PLCZ1: variants seen among roughly 807,000 people sequenced by gnomAD.
The protein encoded by PLCZ1 is 1-phosphatidylinositol 4,5-bisphosphate phosphodiesterase zeta-1.
A neutral mutation model predicts 76.8 loss-of-function variants in PLCZ1; 64 were observed. The ratio of observed to expected loss-of-function variants is 0.83; its 90% CI spans 0.68 to 1.03. PLCZ1 has a LOEUF of 1.03. Among genes scored for constraint, PLCZ1 ranks in the 50% least tolerant of loss-of-function variants. PLCZ1 has a pLI of 0.00. For synonymous variants in PLCZ1, 248 were observed against 230.8 expected, an observed-to-expected ratio of 1.07 and a Z score of -0.68; for missense variants, 751 against 713.7, an observed-to-expected ratio of 1.05 and a Z score of -0.60.
At chr12:18,709,199 A>G (rs1348877055) in intron 6 of PLCZ1, among the ~76,000 whole-genome samples, 1 of 152,084 alleles carries the variant, frequency 6.6e-6, no homozygotes, top group Non-Finnish European at 1.5e-5. Context: ...TGTGTATGGT[A>G]TAAGATAAGG....
In PLCZ1 at chr12:18,719,630, T is replaced by G. The variant is rs1448544480; in HGVS notation, c.370A>C (p.Arg124=). ...TCTAATGACATTTGGTGTGCTTTCC[T>G]AACTAAAAAAATAAAATAAAATAAG... ...IQKYEPIEEV[R]KAHQMSLEGF... The change falls in exon 5 of 15, where the codon AGG becomes CGG. Residue 124 remains arginine, a splice_region_variant and synonymous_variant. Transcript: ENST00000266505. 6.3e-7 allele frequency: 1 copy of G among 1,585,160 alleles called. No individual in the cohort carries two copies. Among genetic ancestry groups the G allele is most frequent in the Non-Finnish European group, 8.6e-7 (1 of 1,162,994 alleles).
the PLCZ1 span, among the ~76,000 whole-genome samples, chr12:18,652,261 ATATAAG>A: frequency 1.3e-5 from 2 of 152,304 alleles, no homozygotes; most frequent in African/African-American, 4.8e-5. Flanking sequence ...TACCAGTCAC[ATATAAG>A]TATATGACTG....
rs181880095 is a variant in PLCZ1 at position 18,711,152 on chromosome 12, A to C, written c.714+1690T>G. On this transcript the variant is annotated intron_variant, in intron 6 of 14. Transcript: ENST00000266505. The stretch of plus-strand genomic sequence containing the variant: ...ACCAACCTAAATATCCAACAACGAT[A>C]GACTGGATTAAGAAAATGGGGAACA... Among the ~76,000 whole-genome samples the C allele has an allele frequency of 7.0e-4, 107 of 152,106 alleles. No homozygotes were observed. The East Asian group carries it at 0.019, about 27-fold the overall frequency.
chr12:18,694,818 T>C (rs1954714304), intron 12 of PLCZ1, 92 bp downstream of exon 12: 4 of 1,029,772 alleles, frequency 3.9e-6, no homozygotes, highest in Non-Finnish European at 5.6e-6. Context: ...TTAAAAGAAA[T>C]TGAAGCAAAT....
the PLCZ1 span, among the ~76,000 whole-genome samples, chr12:18,676,010 T>A: frequency 3.3e-5 from 5 of 151,242 alleles, no homozygotes; most frequent in East Asian, 3.9e-4. Context: ...TGAATCTATT[T>A]AAAAAAAAAC....
chr12:18,726,650 A>T (rs1958767389), intron 3 of PLCZ1, among the ~76,000 whole-genome samples: 1 of 152,092 alleles, frequency 6.6e-6, no homozygotes, highest in Non-Finnish European at 1.5e-5. Flanking sequence ...ACCATTTTCC[A>T]TTTCCAATGC....
the PLCZ1 span, among the ~76,000 whole-genome samples, chr12:18,666,496 T>C: frequency 2.6e-5 from 4 of 152,122 alleles, no homozygotes; most frequent in Non-Finnish European, 5.9e-5. Context: ...CATTATATAA[T>C]ATAAAAGTAT....
the PLCZ1 span, among the ~76,000 whole-genome samples, chr12:18,664,315 T>G: frequency 6.6e-6 from 1 of 152,184 alleles, no homozygotes; most frequent in South Asian, 2.1e-4. Flanking sequence ...GAAAATATAT[T>G]TGTACATCCA....
chr12:18,712,849 G>T lies in PLCZ1; in HGVS notation c.707C>A (p.Ala236Glu). The T allele has an allele frequency of 6.2e-7, 1 of 1,613,646 alleles. No individual in the cohort carries two copies. Among genetic ancestry groups the T allele is most frequent in the Non-Finnish European group, 8.5e-7 (1 of 1,179,622 alleles). Reference sequence around the variant, plus strand: ...ACAAAGATATGTACATACCATGAATGCATACTTGTGTATAGCTTGGATAAC... The same window carrying T: ...ACAAAGATATGTACATACCATGAATTCATACTTGTGTATAGCTTGGATAAC... ...KTVIQAIHKY[A>E]FMTSDYPVVL... The change falls in exon 6 of 15, where the codon GCA becomes GAA. Residue 236 changes from alanine (A) to glutamate (E), a missense_variant. Coordinates refer to ENST00000266505, the MANE Select transcript of PLCZ1 (RefSeq NM_033123.4).
At chr12:18,713,526 C>T (rs944569202) in intron 5 of PLCZ1, among the ~76,000 whole-genome samples, 4 of 152,128 alleles carry the variant, frequency 2.6e-5, no homozygotes, top group Non-Finnish European at 2.9e-5. Flanking sequence ...TCTCTGGAAA[C>T]AGTGTTGGCT....
intron 12 of PLCZ1, chr12:18,693,179 C>T: frequency 6.5e-7 from 1 of 1,549,804 alleles, no homozygotes; most frequent in Non-Finnish European, 8.9e-7. Context: ...ACTACATCAG[C>T]ATTCTTTCAT....
In PLCZ1 at chr12:18,706,901, C is replaced by G. The variant is rs192103075; in HGVS notation, c.715-1586G>C. 1.5e-3 allele frequency among the ~76,000 whole-genome samples: 229 copies of G among 152,330 alleles called. 1 individual carries two copies. Among genetic ancestry groups the G allele is most frequent in the African/African-American group, 5.4e-3 (224 of 41,576 alleles). On this transcript the variant is annotated intron_variant, in intron 6 of 14. Coordinates refer to ENST00000266505, the MANE Select transcript of PLCZ1 (RefSeq NM_033123.4). ...GAAGTTTGAAATCAGTTTCACTGGTCTCAAATCAAGGTGTTGGTAAGGCTG... is the reference window on the plus strand; with the variant it reads ...GAAGTTTGAAATCAGTTTCACTGGTGTCAAATCAAGGTGTTGGTAAGGCTG...
At chr12:18,710,090 T>C (rs1010853325) in intron 6 of PLCZ1, among the ~76,000 whole-genome samples, 1 of 151,318 alleles carries the variant, frequency 6.6e-6, no homozygotes, top group Admixed American at 6.6e-5. Flanking sequence ...TACAGGATTA[T>C]GTCATCTGCA....
the PLCZ1 span, among the ~76,000 whole-genome samples, chr12:18,663,738 G>GA: frequency 6.6e-6 from 1 of 151,854 alleles, no homozygotes; most frequent in African/African-American, 2.4e-5. Context: ...GAAGAAAAAA[G>GA]AAAGAAATTG....
In PLCZ1 at chr12:18,723,438, A is replaced by G. The variant is rs764904444; in HGVS notation, c.240T>C (p.Tyr80=). 1.1e-5 allele frequency: 17 copies of G among 1,612,988 alleles called. No individual in the cohort carries two copies. Among genetic ancestry groups the G allele is most frequent in the Non-Finnish European group, 1.4e-5 (17 of 1,179,394 alleles). The change falls in exon 4 of 15, where the codon TAT becomes TAC. Residue 80 remains tyrosine, a synonymous_variant. Transcript: ENST00000266505. ...CTAAAAGAATTTTCCGGTTTTCAGA[A>G]TATGTGTTGAAAATCTCAATAATTT... The part of the protein sequence containing the change: ...REEIIEIFNT[Y]SENRKILLAS...
At chr12:18,647,244 G>A in the PLCZ1 span, among the ~76,000 whole-genome samples, 4 of 151,864 alleles carry the variant, frequency 2.6e-5, no homozygotes, top group African/African-American at 7.3e-5. Flanking sequence ...ATAGAAATTG[G>A]TCTGTTTCAT....
At chr12:18,679,028 A>G (rs1449556381), downstream of PLCZ1, among the ~76,000 whole-genome samples, 3 of 152,046 alleles carry the variant, frequency 2.0e-5, no homozygotes, top group Non-Finnish European at 4.4e-5. Flanking sequence ...TATTTTAGCA[A>G]TACTAACGAT....
chr12:18,715,388 T>C (rs190163323), intron 5 of PLCZ1, among the ~76,000 whole-genome samples: 102 of 151,584 alleles, frequency 6.7e-4, no homozygotes, highest in Non-Finnish European at 1.3e-3. Context: ...TAAATTCTTT[T>C]GGGGTGTTTG....
At chr12:18,732,667 C>G (rs1310594031) in intron 3 of PLCZ1, among the ~76,000 whole-genome samples, 1 of 152,136 alleles carries the variant, frequency 6.6e-6, no homozygotes, top group Non-Finnish European at 1.5e-5. Flanking sequence ...TCAACTCTCT[C>G]CTTCTATAAG....
Sources: gnomAD v4.1 joint callset for allele counts (sites outside exome capture counted in the v4.1 genomes callset) on GRCh38, gnomAD v4.1.1 for gene constraint, MANE v1.5 for transcripts, NCBI Gene and HGNC (gene_info 2026-07-23, HGNC 2026-07-21) for gene names.